Variants in SAA2 observed in about 807,000 individuals in gnomAD.
SAA2 encodes the protein serum amyloid A-2 protein.
A neutral mutation model predicts 9.1 loss-of-function variants in SAA2; 5 were observed. The observed-to-expected ratio is 0.55, with a 90% CI of 0.29 to 1.16. SAA2 has a LOEUF of 1.16. Among genes scored for constraint, SAA2 ranks in the 50% most tolerant of loss-of-function variants. SAA2 has a pLI of 0.09. For missense variants in SAA2, 94 were observed against 153.8 expected (o/e 0.61, Z 2.06); for synonymous variants, 49 against 59.8 (o/e 0.82, Z 0.83).
downstream of SAA2, among the ~76,000 whole-genome samples, chr11:18,239,063 C>G (rs1016954894): frequency 6.6e-6 from 1 of 152,020 alleles, no homozygotes; most frequent in African/African-American, 2.4e-5. Context: ...TTATCATTTT[C>G]CTTATTTGTT....
downstream of SAA2, chr11:18,245,139 T>C: frequency 6.0e-6 from 5 of 834,088 alleles, no homozygotes; most frequent in South Asian, 1.9e-5. Context: ...TCCAAACACA[T>C]AGGCCTACCT....
At chr11:18,243,285 A>G (rs1390359140), downstream of SAA2, among the ~76,000 whole-genome samples, 2 of 152,204 alleles carry the variant, frequency 1.3e-5, no homozygotes. Context: ...TACAAAGACT[A>G]GACTTTGAAA....
chr11:18,243,240 A>C (rs1857399860), downstream of SAA2, among the ~76,000 whole-genome samples: 1 of 152,196 alleles, frequency 6.6e-6, no homozygotes, highest in Non-Finnish European at 1.5e-5. Flanking sequence ...AATTATTTCT[A>C]GTAATAATAT....
chr11:18,246,517 C>T (rs565815555), intron 2 of SAA2, among the ~76,000 whole-genome samples: 11 of 152,272 alleles, frequency 7.2e-5, no homozygotes, highest in South Asian at 6.2e-4. Flanking sequence ...GGTTCTCCGC[C>T]GTGGTTGCAC....
chr11:18,242,138 G>A (rs1564904005), downstream of SAA2: 1 of 152,146 alleles, frequency 6.6e-6, no homozygotes, highest in Non-Finnish European at 1.5e-5. Context: ...ATTTATTTGT[G>A]TATGTATGTA....
chr11:18,245,501 T>C lies in SAA2; in HGVS notation c.245A>G (p.Asn82Ser). Reference protein sequence around the residue: ...AAEVISNARENIQRLTGRGAE... With the variant: ...AAEVISNARESIQRLTGRGAE... ...ACCACGGCCTGTGAGTCTCTGGATA[T>C]TCTCTCTGGCATTGCTGTAGTCCAG... The change falls in exon 4 of 4, where the codon AAT becomes AGT. Residue 82 changes from asparagine to serine, a missense_variant. Asn to Ser is a conservative substitution (Grantham distance 46, BLOSUM62 1). Coordinates refer to ENST00000256733, the MANE Select transcript of SAA2 (RefSeq NM_030754.5). The C allele has an allele frequency of 6.2e-7, 1 of 1,614,070 alleles. No individual in the cohort carries two copies. Among genetic ancestry groups the C allele is most frequent in the Non-Finnish European group, 8.5e-7 (1 of 1,179,932 alleles).
Position 18,247,491 on chromosome 11 carries a change from C to T in SAA2, c.91+430G>A, listed in dbSNP as rs1445061519. Among the ~76,000 whole-genome samples, 3 of 147,804 alleles carry T rather than the reference C, an allele frequency of 2.0e-5. No homozygotes were observed. In the East Asian group the frequency reaches 6.1e-4, roughly 30 times the overall value. ...GGATGATTGTTCTTTCTCTGAGTAA[C>T]TGACAACAATCCTCGACTCTCTAAT... On this transcript the variant is annotated intron_variant, in intron 2 of 3. Transcript: ENST00000256733.
downstream of SAA2, among the ~76,000 whole-genome samples, chr11:18,241,443 T>C (rs1442461860): frequency 6.6e-6 from 1 of 152,180 alleles, no homozygotes; most frequent in African/African-American, 2.4e-5. Flanking sequence ...CATGTATTTA[T>C]CACAACACTA....
chr11:18,245,456 T>G lies in SAA2; in HGVS notation c.290A>C (p.Asp97Ala). ...CCTGCCCCATTTATTGGCAGCCTGA[T>G]CGGCCAGCGAGTCCTCCGCACCACG... ...TGRGAEDSLA[D>A]QAANKWGRSG... The change falls in exon 4 of 4, where the codon GAT becomes GCT. Residue 97 changes from aspartate to alanine, a missense_variant. Physicochemically the swap from Asp to Ala is moderately radical, Grantham distance 126. Around this residue, in one of 2 missense-constraint regions of SAA2, gnomAD observed 62 missense variants for 58.3 expected, o/e 1.06. Coordinates refer to ENST00000256733, the MANE Select transcript of SAA2 (RefSeq NM_030754.5). 1 of 1,614,172 alleles carries G rather than the reference T, an allele frequency of 6.2e-7. No individual in the cohort carries two copies. The highest frequency in any genetic ancestry group is 8.5e-7 in the Non-Finnish European group (1 of 1,180,014).
chr11:18,246,661 A>T lies in SAA2; in HGVS notation c.92-613T>A, dbSNP rs371675568. 2.0e-4 allele frequency among the ~76,000 whole-genome samples: 30 copies of T among 152,304 alleles called. 3 individuals carry two copies. Among genetic ancestry groups the T allele is most frequent in the African/African-American group, 6.7e-4 (28 of 41,558 alleles). On this transcript the variant is annotated intron_variant, in intron 2 of 3. Coordinates refer to ENST00000256733, the MANE Select transcript of SAA2 (RefSeq NM_030754.5). ...ATTTTCCTGCTTCAGCCTCCTGAGT[A>T]GCTGGGATTACAGGTGCCTGCCACC...
downstream of SAA2, among the ~76,000 whole-genome samples, chr11:18,244,063 C>T (rs970000464): frequency 4.6e-5 from 7 of 152,198 alleles, no homozygotes; most frequent in African/African-American, 1.7e-4. Context: ...GCACTTGCCC[C>T]AGAGATCTGA....
At chr11:18,247,622 G>A (rs1379656680) in intron 2 of SAA2, among the ~76,000 whole-genome samples, 13 of 142,356 alleles carry the variant, frequency 9.1e-5, no homozygotes, top group African/African-American at 3.2e-4. Context: ...TGGATGCCCC[G>A]TCCCTTACGG....
downstream of SAA2, among the ~76,000 whole-genome samples, chr11:18,244,228 C>T (rs1429114358): frequency 1.3e-5 from 2 of 152,214 alleles, no homozygotes; most frequent in Non-Finnish European, 2.9e-5. Context: ...TCAACATATA[C>T]ATTTTGGCAA....
At chr11:18,247,861 T>G (rs1264566465) in intron 2 of SAA2, 60 bp downstream of exon 2, 6 of 1,612,120 alleles carry the variant, frequency 3.7e-6, no homozygotes, top group Non-Finnish European at 5.1e-6. Flanking sequence ...TTTTCCCCAG[T>G]TTATCAGGTC....
chr11:18,238,303 G>A (rs1473025407), downstream of SAA2, among the ~76,000 whole-genome samples: 1 of 152,066 alleles, frequency 6.6e-6, no homozygotes, highest in East Asian at 1.9e-4. Flanking sequence ...GGGAAAATGA[G>A]TATGTTATCT....
downstream of SAA2, chr11:18,242,880 A>G: frequency 1.4e-6 from 1 of 693,048 alleles, no homozygotes; most frequent in Non-Finnish European, 2.6e-6. Flanking sequence ...CAACTATAAC[A>G]AAGAGCAATG....
Position 18,245,497 on chromosome 11 carries a change from GA to G in SAA2, c.248del (p.Ile83ThrfsTer63). ...AEVISNAREN[I>X]QRLTGRGAED... is the part of the protein sequence containing the mutation. Reference sequence around the variant, plus strand: ...CCGCACCACGGCCTGTGAGTCTCTGGATATTCTCTCTGGCATTGCTGTAGTC... The same window carrying G: ...CCGCACCACGGCCTGTGAGTCTCTGGTATTCTCTCTGGCATTGCTGTAGTC... On this transcript the variant is annotated frameshift_variant, in exon 4 of 4. Transcript: ENST00000256733. LOFTEE classifies it low-confidence loss of function (END_TRUNC). 1 of 1,614,110 alleles carries G rather than the reference GA, an allele frequency of 6.2e-7. No homozygotes were observed. Among genetic ancestry groups the G allele is most frequent in the African/African-American group, 1.3e-5 (1 of 75,050 alleles).
chr11:18,239,035 ATAATGT>A (rs1416288765), downstream of SAA2, among the ~76,000 whole-genome samples: 1 of 152,216 alleles, frequency 6.6e-6, no homozygotes. Flanking sequence ...GATTCACCAG[ATAATGT>A]TAATATTATT....
downstream of SAA2, among the ~76,000 whole-genome samples, chr11:18,244,564 A>G (rs1857443832): frequency 6.6e-6 from 1 of 152,208 alleles, no homozygotes; most frequent in Non-Finnish European, 1.5e-5. Flanking sequence ...AATTCTTTAT[A>G]TTAAAATTTC....
Sources: gnomAD v4.1 joint callset for allele counts (sites outside exome capture counted in the v4.1 genomes callset) on GRCh38, gnomAD v4.1.1 for gene constraint, gnomAD v4.1.1 regional missense constraint, MANE v1.5 for transcripts, NCBI Gene and HGNC (gene_info 2026-07-23, HGNC 2026-07-21) for gene names.